SLX9: variants seen among roughly 807,000 people sequenced by gnomAD.
SLX9 encodes the protein ribosome biogenesis protein SLX9 homolog.
Under a neutral mutation model 20.8 loss-of-function variants are expected in SLX9, and 19 were observed. The ratio of observed to expected loss-of-function variants is 0.91; its 90% CI spans 0.64 to 1.34. The LOEUF (loss-of-function observed/expected upper bound fraction) is 1.34, where lower values mean the gene tolerates loss of function less well. SLX9 is among the 40% of genes most tolerant of loss of function. The pLI, the probability that SLX9 is intolerant of heterozygous loss-of-function variation, is 0.00. For missense variants in SLX9, 299 were observed against 322.2 expected, an observed-to-expected ratio of 0.93 and a Z score of 0.55; for synonymous variants, 113 against 137.1, an observed-to-expected ratio of 0.82 and a Z score of 1.23.
At chr21:44,968,603 G>T (rs917550726) in intron 4 of SLX9, among the ~76,000 whole-genome samples, 1 of 152,222 alleles carries the variant, frequency 6.6e-6, no homozygotes, top group Non-Finnish European at 1.5e-5. Context: ...CCTGTGGCTG[G>T]AAGGCACCAC....
intron 3 of SLX9, among the ~76,000 whole-genome samples, chr21:44,966,208 C>T (rs1271036215): frequency 2.0e-5 from 3 of 152,140 alleles, no homozygotes; most frequent in Admixed American, 6.5e-5. Context: ...CTGAGAGGGG[C>T]GCCGCTGTCC....
chr21:44,940,395 C>G (rs1216854218), intron 1 of SLX9, among the ~76,000 whole-genome samples: 2 of 152,238 alleles, frequency 1.3e-5, no homozygotes, highest in African/African-American at 2.4e-5. Flanking sequence ...CACACGGACT[C>G]GCGCCGCTCC....
intron 4 of SLX9, 106 bp from the exon 5 acceptor site, chr21:44,973,091 G>A: frequency 2.4e-6 from 3 of 1,228,106 alleles, no homozygotes; most frequent in Non-Finnish European, 2.3e-6. Flanking sequence ...GGTCACCTCT[G>A]GCCACCACGA....
At chr21:44,958,282 A>G (rs56293401) in intron 2 of SLX9, 11,075 of 152,492 alleles carry the variant, frequency 0.073, 1,306 homozygotes, top group African/African-American at 0.25. Context: ...GGACAGTAGC[A>G]GCTCCCGACA....
At chr21:44,948,575 T>C (rs547017280) in intron 2 of SLX9, among the ~76,000 whole-genome samples, 6 of 152,232 alleles carry the variant, frequency 3.9e-5, no homozygotes, top group Admixed American at 3.3e-4. Context: ...TGGTATGGAC[T>C]CAGAGCCGGG....
chr21:44,974,940 G>T (rs574373297), intron 5 of SLX9, among the ~76,000 whole-genome samples: 1 of 152,170 alleles, frequency 6.6e-6, no homozygotes, highest in Non-Finnish European at 1.5e-5. Flanking sequence ...TCTGTCGCCC[G>T]CACCCCTCGG....
intron 4 of SLX9, among the ~76,000 whole-genome samples, chr21:44,970,240 T>C (rs901777902): frequency 6.6e-6 from 1 of 152,236 alleles, no homozygotes; most frequent in African/African-American, 2.4e-5. Context: ...CTTTGTCTCT[T>C]CTCCCCGTGT....
intron 3 of SLX9, among the ~76,000 whole-genome samples, chr21:44,966,562 C>A (rs867045946): frequency 6.6e-6 from 1 of 152,230 alleles, no homozygotes; most frequent in Non-Finnish European, 1.5e-5. Flanking sequence ...CCTGCCACCC[C>A]CCATGGCCCC....
At chr21:44,965,165 T>TA (rs1186680391) in intron 3 of SLX9, among the ~76,000 whole-genome samples, 8 of 152,268 alleles carry the variant, frequency 5.3e-5, no homozygotes, top group African/African-American at 1.7e-4. Flanking sequence ...CAGGTTTGAC[T>TA]AAAAATCCCG....
intron 3 of SLX9, among the ~76,000 whole-genome samples, chr21:44,962,572 C>G (rs2084964833): frequency 6.6e-6 from 1 of 152,236 alleles, no homozygotes; most frequent in Admixed American, 6.5e-5. Context: ...CACTTTCCTG[C>G]TGATGGGCAC....
At chr21:44,963,924 C>T (rs1005488739) in intron 3 of SLX9, among the ~76,000 whole-genome samples, 1 of 152,126 alleles carries the variant, frequency 6.6e-6, no homozygotes, top group Non-Finnish European at 1.5e-5. Context: ...TTATCATTAG[C>T]TTGTCTATTT....
intron 1 of SLX9, among the ~76,000 whole-genome samples, 196 bp downstream of exon 1, chr21:44,940,382 G>T (rs4818743): frequency 0.15 from 22,563 of 152,288 alleles, 1,792 homozygotes; most frequent in Admixed American, 0.22. Context: ...CTGCCGTCCT[G>T]GGCACACGGA....
intron 2 of SLX9, among the ~76,000 whole-genome samples, chr21:44,948,040 C>G (rs564151271): frequency 1.3e-5 from 2 of 152,388 alleles, no homozygotes; most frequent in South Asian, 4.1e-4. Flanking sequence ...GTGTGGCCAG[C>G]TCTAGCTGGC....
intron 2 of SLX9, among the ~76,000 whole-genome samples, chr21:44,946,665 C>A (rs1249363338): frequency 6.6e-6 from 1 of 152,250 alleles, no homozygotes; most frequent in African/African-American, 2.4e-5. Context: ...GAGGGGCGTT[C>A]TGAGCTCATC....
At chr21:44,965,815 G>A (rs2085023532) in intron 3 of SLX9, among the ~76,000 whole-genome samples, 1 of 152,182 alleles carries the variant, frequency 6.6e-6, no homozygotes, top group Non-Finnish European at 1.5e-5. Context: ...GCCTGGGTCT[G>A]CAGCCTGTGA....
At chr21:44,940,368 T>G (rs1308497131) in intron 1 of SLX9, among the ~76,000 whole-genome samples, 182 bp downstream of exon 1, 1 of 152,212 alleles carries the variant, frequency 6.6e-6, no homozygotes, top group Non-Finnish European at 1.5e-5. Context: ...GGCTCCGCTC[T>G]GCGCTGCCGT....
chr21:44,972,558 A>AC (rs1285737115), intron 4 of SLX9, among the ~76,000 whole-genome samples: 2 of 151,782 alleles, frequency 1.3e-5, no homozygotes, highest in African/African-American at 4.8e-5. Flanking sequence ...GCTCGTTGGC[A>AC]CCCCCCGCAG....
chr21:44,940,233 G>A, intron 1 of SLX9, 47 bp downstream of exon 1: 2 of 1,207,866 alleles, frequency 1.7e-6, no homozygotes, highest in Non-Finnish European at 1.0e-6. Flanking sequence ...GGGTCCGAGG[G>A]CGGGTGAGCT....
chr21:44,960,895 GTGTGATTC>G (rs2084940215), intron 3 of SLX9, among the ~76,000 whole-genome samples: 3 of 152,208 alleles, frequency 2.0e-5, no homozygotes, highest in Non-Finnish European at 4.4e-5. Context: ...TATCTTTTTA[GTGTGATTC>G]TGCTGACTTT....
Sources: gnomAD v4.1 joint callset for allele counts (sites outside exome capture counted in the v4.1 genomes callset) on GRCh38, gnomAD v4.1.1 for gene constraint, MANE v1.5 for transcripts, NCBI Gene and HGNC (gene_info 2026-07-23, HGNC 2026-07-21) for gene names.